Variants in PXDNL observed in about 807,000 individuals in gnomAD.
The protein encoded by PXDNL is peroxidasin like.
In PXDNL, 145 loss-of-function variants were observed where a neutral mutation model predicts 150.8. The ratio of observed to expected loss-of-function variants is 0.96; its 90% CI spans 0.84 to 1.10. PXDNL has a LOEUF of 1.10. PXDNL is among the 50% of genes least tolerant of loss of function. The pLI is 0.00. For missense variants in PXDNL, 2,087 were observed against 1,873.9 expected, an observed-to-expected ratio of 1.11 and a Z score of -2.10; for synonymous variants, 757 against 725.7, an observed-to-expected ratio of 1.04 and a Z score of -0.69.
chr8:51,761,834 C>A (rs997854973), intron 1 of PXDNL, among the ~76,000 whole-genome samples: 4 of 152,254 alleles, frequency 2.6e-5, no homozygotes, highest in Non-Finnish European at 5.9e-5. Flanking sequence ...GATTAAAATT[C>A]TCTTTTAAAC....
intron 1 of PXDNL, among the ~76,000 whole-genome samples, chr8:51,662,385 G>T (rs1314768474): frequency 6.6e-6 from 1 of 152,162 alleles, no homozygotes; most frequent in African/African-American, 2.4e-5. Flanking sequence ...GGGCATGGTG[G>T]CAGGCCCCTG....
chr8:51,645,397 C>T (rs1456340188), intron 2 of PXDNL, among the ~76,000 whole-genome samples: 1 of 152,156 alleles, frequency 6.6e-6, no homozygotes, highest in African/African-American at 2.4e-5. Flanking sequence ...TAAAATTAAC[C>T]ATCATACCAT....
chr8:51,720,297 G>GT (rs968934206), intron 1 of PXDNL, among the ~76,000 whole-genome samples: 2 of 150,278 alleles, frequency 1.3e-5, no homozygotes, highest in African/African-American at 4.9e-5. Context: ...TGTCTGAATT[G>GT]TTTTTTTAAA....
chr8:51,370,633 G>A (rs1807073809), intron 19 of PXDNL, among the ~76,000 whole-genome samples: 1 of 152,168 alleles, frequency 6.6e-6, no homozygotes, highest in Admixed American at 6.5e-5. Flanking sequence ...GTCTGGCTCT[G>A]TCACCCAGGC....
intron 1 of PXDNL, among the ~76,000 whole-genome samples, chr8:51,702,664 T>C (rs1360964388): frequency 6.6e-6 from 1 of 152,166 alleles, no homozygotes; most frequent in Admixed American, 6.5e-5. Context: ...ATGGATGTAA[T>C]AACAGTACCT....
At chr8:51,446,700 TGTAA>T (rs1185173143) in intron 12 of PXDNL, among the ~76,000 whole-genome samples, 1 of 152,196 alleles carries the variant, frequency 6.6e-6, no homozygotes, top group Non-Finnish European at 1.5e-5. Context: ...TGCATTCTTT[TGTAA>T]GACAGTCTAG....
At chr8:51,409,773 CT>C (rs1395479645) in intron 16 of PXDNL, among the ~76,000 whole-genome samples, 1 of 151,984 alleles carries the variant, frequency 6.6e-6, no homozygotes, top group Non-Finnish European at 1.5e-5. Flanking sequence ...CCCGGGATTA[CT>C]TTTGAGCGTT....
At chr8:51,638,777 C>T (rs1412166397) in intron 2 of PXDNL, among the ~76,000 whole-genome samples, 1 of 152,062 alleles carries the variant, frequency 6.6e-6, no homozygotes, top group Non-Finnish European at 1.5e-5. Context: ...CCACTGTCAA[C>T]ATTAGACAGA....
chr8:51,398,895 C>T (rs1808166501), intron 17 of PXDNL, among the ~76,000 whole-genome samples: 1 of 152,054 alleles, frequency 6.6e-6, no homozygotes, highest in Non-Finnish European at 1.5e-5. Context: ...AAGGTATGCT[C>T]TTATTGAATT....
chr8:51,537,908 C>T (rs141415282), intron 4 of PXDNL, among the ~76,000 whole-genome samples: 114 of 152,160 alleles, frequency 7.5e-4, no homozygotes, highest in African/African-American at 2.5e-3. Context: ...TCGGAAAAGC[C>T]ACACCACTTC....
chr8:51,577,978 A>AGAAG (rs1813104738), intron 3 of PXDNL, among the ~76,000 whole-genome samples: 1 of 105,154 alleles, frequency 9.5e-6, no homozygotes, highest in Non-Finnish European at 2.0e-5. Flanking sequence ...AAAGAAAGAA[A>AGAAG]GAAAGAAAGA....
intron 1 of PXDNL, among the ~76,000 whole-genome samples, chr8:51,735,175 C>T (rs183236712): frequency 1.7e-3 from 259 of 152,194 alleles, no homozygotes; most frequent in Non-Finnish European, 2.7e-3. Context: ...AATTTTTGTA[C>T]ATTTAAAAAT....
intron 3 of PXDNL, among the ~76,000 whole-genome samples, chr8:51,578,818 A>G (rs893086483): frequency 6.6e-6 from 1 of 152,004 alleles, no homozygotes. Flanking sequence ...AAATATAGCC[A>G]ACTTATTTTT....
In PXDNL at chr8:51,348,413, A is replaced by T. The variant is rs533481545; in HGVS notation, c.3902-2466T>A. On this transcript the variant is annotated intron_variant, in intron 19 of 22. Transcript: ENST00000356297. ...AAACAACCCACCAGACTGCAGTGAC[A>T]TGGCAGGTTTCTTGTAATGTGACAG... Among the ~76,000 whole-genome samples, 208 of 152,350 alleles carry T rather than the reference A, an allele frequency of 1.4e-3. 1 individual carries two copies. Among genetic ancestry groups the T allele is most frequent in the African/African-American group, 4.7e-3 (196 of 41,594 alleles).
Position 51,420,861 on chromosome 8 carries a change from T to C in PXDNL, c.1795+2714A>G, listed in dbSNP as rs577799377. 3.7e-4 allele frequency among the ~76,000 whole-genome samples: 57 copies of C among 152,280 alleles called. 1 individual carries two copies. The highest frequency in any genetic ancestry group is 3.4e-3 in the Middle Eastern group (1 of 294). On this transcript the variant is annotated intron_variant, in intron 14 of 22. Coordinates refer to ENST00000356297, the MANE Select transcript of PXDNL (RefSeq NM_144651.5). ...GCGCCACCATGTCTAGTTAATTTTT[T>C]GTATTTTTAGTAGAGACAGGGTTTC... is the stretch of plus-strand genomic sequence containing the variant.
chr8:51,747,379 A>AG (rs2036997189), intron 1 of PXDNL, among the ~76,000 whole-genome samples: 1 of 152,230 alleles, frequency 6.6e-6, no homozygotes, highest in Non-Finnish European at 1.5e-5. Flanking sequence ...GTTGCTCTCC[A>AG]GTATTTCTAA....
Position 51,409,570 on chromosome 8 carries a change from C to A in PXDNL, c.2063-9G>T. The A allele has an allele frequency of 6.5e-7, 1 of 1,548,794 alleles. No homozygotes were observed. Among genetic ancestry groups the A allele is most frequent in the Middle Eastern group, 1.7e-4 (1 of 5,790 alleles). ...GTCATTGTACCGGAATTCTGAAAGGCAAGCGGCGAAAGCCGTGAGGAGGGC... is the reference window on the plus strand; with the variant it reads ...GTCATTGTACCGGAATTCTGAAAGGAAAGCGGCGAAAGCCGTGAGGAGGGC... On this transcript the variant is annotated splice_polypyrimidine_tract_variant and intron_variant, in intron 16 of 22. Transcript: ENST00000356297.
intron 2 of PXDNL, among the ~76,000 whole-genome samples, chr8:51,607,339 T>C (rs550845104): frequency 6.6e-6 from 1 of 152,286 alleles, no homozygotes; most frequent in East Asian, 1.9e-4. Context: ...ATTACTATGA[T>C]CTCATTTCTT....
intron 19 of PXDNL, among the ~76,000 whole-genome samples, chr8:51,347,794 A>G (rs1317614095): frequency 6.6e-6 from 1 of 152,006 alleles, no homozygotes; most frequent in African/African-American, 2.4e-5. Context: ...AAAGCTGTAC[A>G]TTATACTAAG....
Sources: allele counts gnomAD v4.1 joint callset (sites outside exome capture counted in the v4.1 genomes callset), GRCh38; gene constraint gnomAD v4.1.1; transcripts MANE v1.5; gene names NCBI Gene and HGNC (gene_info 2026-07-23, HGNC 2026-07-21).